The following PLXNC1 variants were observed in gnomAD, a reference collection of about 807,000 sequenced individuals.
The protein encoded by PLXNC1 is plexin-C1.
PLXNC1 carries 75 observed loss-of-function variants against 178.2 expected under a neutral mutation model. The observed-to-expected ratio is 0.42, with a 90% confidence interval of 0.35 to 0.51. PLXNC1 has a LOEUF of 0.51. Among genes scored for constraint, PLXNC1 ranks in the 20% least tolerant of loss-of-function variants. The pLI is 0.02. For synonymous variants in PLXNC1, 790 were observed against 779.9 expected (o/e 1.01, Z -0.22); for missense variants, 1,503 against 1,984.4 (o/e 0.76, Z 4.61).
chr12:94,256,750 T>C (rs1464262941), intron 17 of PLXNC1, among the ~76,000 whole-genome samples: 2 of 149,426 alleles, frequency 1.3e-5, no homozygotes, highest in Non-Finnish European at 3.0e-5. Context: ...ATCTGTGGCC[T>C]GAAAAAAGAA....
At position 94,286,882 on chromosome 12, in the gene PLXNC1, A is replaced by C. The variant is rs566584802; in HGVS notation, c.3879+4481A>C. ...GATTTACTCTCAGCACATTTGAAGA[A>C]CAGGTTTCTAGAGGGGATTTGAGGG... On this transcript the variant is annotated intron_variant, in intron 23 of 30. Coordinates refer to ENST00000258526, the MANE Select transcript of PLXNC1 (RefSeq NM_005761.3). Among the ~76,000 whole-genome samples, 5 of 152,266 alleles carry C rather than the reference A, an allele frequency of 3.3e-5. No homozygotes were observed. The South Asian group carries it at 1.0e-3, about 32-fold the overall frequency.
intron 6 of PLXNC1, among the ~76,000 whole-genome samples, chr12:94,221,232 C>G (rs1348215316): frequency 6.6e-6 from 1 of 152,162 alleles, no homozygotes; most frequent in Non-Finnish European, 1.5e-5. Context: ...CATTCACAAT[C>G]AATAAATGTT....
intron 10 of PLXNC1, among the ~76,000 whole-genome samples, chr12:94,238,148 T>G (rs1351677701): frequency 2.0e-5 from 3 of 152,102 alleles, no homozygotes; most frequent in African/African-American, 7.2e-5. Flanking sequence ...CTTGGAAAAA[T>G]AGTTGAGTAC....
At chr12:94,283,822 G>A (rs1278592123) in intron 23 of PLXNC1, among the ~76,000 whole-genome samples, 2 of 152,156 alleles carry the variant, frequency 1.3e-5, no homozygotes, top group Non-Finnish European at 2.9e-5. Flanking sequence ...GGTGGCTCAC[G>A]CCTGTAATCC....
At chr12:94,259,496 T>C in intron 18 of PLXNC1, 114 bp from the exon 19 acceptor site, 1 of 1,157,468 alleles carries the variant, frequency 8.6e-7, no homozygotes, top group Non-Finnish European at 1.2e-6. Context: ...TTTTGGATCA[T>C]GAATTCAATA....
rs1472733746 is a variant in PLXNC1 at position 94,220,146 on chromosome 12, C to A, written c.1685C>A (p.Thr562Asn). Reference sequence around the variant, plus strand: ...CGGACCTGCACCTGTAGCATCCCAACCAGAGCAACCTACAAAGGTATGTGG... The same window carrying A: ...CGGACCTGCACCTGTAGCATCCCAAACAGAGCAACCTACAAAGGTATGTGG... ...PNRTCTCSIPTRATYKDVSVV... is the reference protein window; with the variant it reads ...PNRTCTCSIPNRATYKDVSVV... The change falls in exon 6 of 31, where the codon ACC becomes AAC. Residue 562 changes from threonine (T) to asparagine (N), a missense_variant. By Grantham distance (65) the Thr-to-Asn change is moderately conservative. Transcript: ENST00000258526. 1.2e-6 allele frequency: 2 copies of A among 1,613,758 alleles called. No individual in the cohort carries two copies. The highest frequency in any genetic ancestry group is 1.3e-5 in the African/African-American group (1 of 74,868).
chr12:94,228,764 A>G (rs1023652472), intron 9 of PLXNC1, among the ~76,000 whole-genome samples: 1 of 152,172 alleles, frequency 6.6e-6, no homozygotes, highest in African/African-American at 2.4e-5. Context: ...CTAATATTCC[A>G]GTGTATGTAT....
Position 94,149,005 on chromosome 12 carries a change from C to A in PLXNC1, c.34C>A (p.Pro12Thr). ...EVSRRKAPPR[P>T]PRPAAPLPLL... is the part of the protein sequence containing the mutation. ...CTCCCGGAGGAAGGCGCCGCCGCGC[C>A]CCCCGCGCCCCGCAGCGCCACTGCC... Residue 12 changes from proline (P) to threonine (T), a missense_variant, in exon 1 of 31, where the codon CCC (proline) becomes ACC (threonine). By Grantham distance (38) the Pro-to-Thr change is conservative. Transcript: ENST00000258526. The A allele has an allele frequency of 1.4e-6, 2 of 1,463,264 alleles. No individual in the cohort carries two copies. The highest frequency in any genetic ancestry group is 1.8e-6 in the Non-Finnish European group (2 of 1,115,698). The allele number at this position is 1,463,264 out of a possible 1,614,324, so 90.6% of individuals were successfully genotyped here.
intron 4 of PLXNC1, among the ~76,000 whole-genome samples, chr12:94,209,384 G>GA (rs11407768): frequency 0.064 from 9,694 of 152,122 alleles, 555 homozygotes; most frequent in African/African-American, 0.14. Context: ...AGACATGATG[G>GA]AAAAAAATGC....
chr12:94,207,966 C>T (rs1565810146), intron 4 of PLXNC1, among the ~76,000 whole-genome samples: 1 of 151,956 alleles, frequency 6.6e-6, no homozygotes, highest in Admixed American at 6.6e-5. Context: ...TTACACAAAC[C>T]GGAGTGCCCA....
At chr12:94,214,029 G>T (rs1396458736) in intron 5 of PLXNC1, among the ~76,000 whole-genome samples, 2 of 151,890 alleles carry the variant, frequency 1.3e-5, no homozygotes, top group African/African-American at 2.4e-5. Flanking sequence ...ACCACGCCCG[G>T]CTAATTGGAA....
chr12:94,209,643 A>G lies in PLXNC1; in HGVS notation c.1493A>G (p.Asp498Gly), dbSNP rs758404945. ...VHSENLENWL[D>G]ISSGAKKCPK... is the part of the protein sequence containing the mutation. ...TCAGAGAACTTAGAAAACTGGCTGG[A>G]TATTTCGTCTGGAGCAAAAAAGTGC... is the stretch of plus-strand genomic sequence containing the variant. Residue 498 changes from aspartate to glycine, a missense_variant, in exon 5 of 31, where the codon GAT becomes GGT. Coordinates refer to ENST00000258526, the MANE Select transcript of PLXNC1 (RefSeq NM_005761.3). 1 of 1,613,768 alleles carries G rather than the reference A, an allele frequency of 6.2e-7. No homozygotes were observed. The highest frequency in any genetic ancestry group is 1.7e-5 in the Admixed American group (1 of 60,010).
chr12:94,279,433 T>C (rs771337996), intron 21 of PLXNC1, 39 bp from the exon 22 acceptor site: 5 of 1,568,964 alleles, frequency 3.2e-6, no homozygotes, highest in Admixed American at 1.8e-5. Flanking sequence ...CAGATTGCAA[T>C]TATCTAATAG....
chr12:94,213,116 G>A (rs975111542), intron 5 of PLXNC1, among the ~76,000 whole-genome samples: 12 of 152,210 alleles, frequency 7.9e-5, no homozygotes, highest in Non-Finnish European at 1.5e-4. Context: ...ATACTTACAT[G>A]TGCATGTGTC....
intron 1 of PLXNC1, among the ~76,000 whole-genome samples, chr12:94,160,421 C>A (rs1048386903): frequency 1.3e-5 from 2 of 152,176 alleles, no homozygotes; most frequent in African/African-American, 4.8e-5. Context: ...CCTTTTGACT[C>A]CCTTCCCAAT....
At chr12:94,216,834 C>A (rs1963658782) in intron 5 of PLXNC1, among the ~76,000 whole-genome samples, 1 of 152,140 alleles carries the variant, frequency 6.6e-6, no homozygotes. Flanking sequence ...CTAATTGACA[C>A]CCCAGCTCCC....
At chr12:94,252,469 A>G (rs900378154) in intron 15 of PLXNC1, among the ~76,000 whole-genome samples, 1 of 152,172 alleles carries the variant, frequency 6.6e-6, no homozygotes, top group Admixed American at 6.5e-5. Flanking sequence ...AGTGTGATCT[A>G]TGTCATCTCT....
intron 5 of PLXNC1, among the ~76,000 whole-genome samples, chr12:94,212,608 G>T (rs1963514855): frequency 4.6e-5 from 7 of 152,102 alleles, no homozygotes; most frequent in Admixed American, 1.3e-4. Context: ...AGTTTGCTGA[G>T]AATGATGGTT....
At chr12:94,178,819 G>A (rs1174145952) in intron 2 of PLXNC1, among the ~76,000 whole-genome samples, 2 of 152,154 alleles carry the variant, frequency 1.3e-5, no homozygotes, top group African/African-American at 2.4e-5. Flanking sequence ...ATATTTGATA[G>A]TGCAGCTATA....
Sources: gnomAD v4.1 joint callset for allele counts (sites outside exome capture counted in the v4.1 genomes callset) on GRCh38, gnomAD v4.1.1 for gene constraint, MANE v1.5 for transcripts, NCBI Gene and HGNC (gene_info 2026-07-23, HGNC 2026-07-21) for gene names.